The following HDAC9 variants were observed in gnomAD, a reference collection of about 807,000 sequenced individuals.
HDAC9 encodes histone deacetylase 9.
Under a neutral mutation model 139.4 loss-of-function variants are expected in HDAC9, and 41 were observed. The ratio of observed to expected loss-of-function variants is 0.29; its 90% CI spans 0.23 to 0.38. HDAC9 has a LOEUF of 0.38. Ranked by LOEUF, HDAC9 falls within the 10% of genes least tolerant of loss-of-function variation. HDAC9 has a pLI of 1.00. For synonymous variants in HDAC9, 517 were observed against 476.2 expected (o/e 1.09, Z -1.12); for missense variants, 1,147 against 1,297.0 (o/e 0.88, Z 1.78).
intron 2 of HDAC9, among the ~76,000 whole-genome samples, chr7:18,251,277 G>A (rs1342996737): frequency 6.6e-6 from 1 of 152,092 alleles, no homozygotes; most frequent in South Asian, 2.1e-4. Flanking sequence ...AACACCGCAT[G>A]TTCTCACTTA....
chr7:18,420,489 T>A (rs1049842383), intron 1 of HDAC9, among the ~76,000 whole-genome samples: 2 of 152,212 alleles, frequency 1.3e-5, no homozygotes, highest in Non-Finnish European at 1.5e-5. Context: ...GTTACAGCAT[T>A]GTATCAGTGA....
chr7:18,602,387 C>A (rs1236161716), intron 6 of HDAC9, among the ~76,000 whole-genome samples: 4 of 151,544 alleles, frequency 2.6e-5, no homozygotes, highest in Admixed American at 2.6e-4. Context: ...ATCAGTTGAT[C>A]TTTCAAAGGA....
chr7:18,302,065 C>T (rs542090785), intron 1 of HDAC9, among the ~76,000 whole-genome samples: 1 of 152,318 alleles, frequency 6.6e-6, no homozygotes, highest in East Asian at 1.9e-4. Flanking sequence ...TTAAGAACAG[C>T]AGCCTTACCA....
chr7:18,884,315 A>C (rs1174337695), intron 22 of HDAC9, among the ~76,000 whole-genome samples: 2 of 152,202 alleles, frequency 1.3e-5, no homozygotes, highest in Non-Finnish European at 2.9e-5. Context: ...AAACTGTAGC[A>C]ATCATAAAAG....
At chr7:18,234,896 A>T (rs1793712943) in intron 2 of HDAC9, among the ~76,000 whole-genome samples, 1 of 152,162 alleles carries the variant, frequency 6.6e-6, no homozygotes, top group African/African-American at 2.4e-5. Context: ...GAAGTTAATG[A>T]CCAGGTGGTA....
intron 2 of HDAC9, among the ~76,000 whole-genome samples, chr7:18,202,915 C>G (rs1428133522): frequency 1.3e-5 from 2 of 152,172 alleles, no homozygotes; most frequent in African/African-American, 4.8e-5. Flanking sequence ...GTTTGCTCAT[C>G]TGCACAATGG....
At chr7:18,109,926 T>A (rs1373329851) in intron 1 of HDAC9, among the ~76,000 whole-genome samples, 1 of 152,224 alleles carries the variant, frequency 6.6e-6, no homozygotes, top group Non-Finnish European at 1.5e-5. Context: ...CTTTACATAT[T>A]TCATTCCTCA....
chr7:18,600,615 A>G (rs184316150), intron 6 of HDAC9, among the ~76,000 whole-genome samples: 1 of 152,082 alleles, frequency 6.6e-6, no homozygotes, highest in Non-Finnish European at 1.5e-5. Context: ...TGGGCTCTCT[A>G]TTCTACTTCA....
At chr7:18,948,723 T>A (rs1782579190) in intron 23 of HDAC9, among the ~76,000 whole-genome samples, 1 of 152,178 alleles carries the variant, frequency 6.6e-6, no homozygotes, top group Admixed American at 6.6e-5. Flanking sequence ...GAGTTCCATC[T>A]TAGAAAACTG....
chr7:18,316,009 A>T (rs1799613289), intron 1 of HDAC9, among the ~76,000 whole-genome samples: 1 of 152,240 alleles, frequency 6.6e-6, no homozygotes, highest in South Asian at 2.1e-4. Flanking sequence ...TACCTAGCTC[A>T]TAGGGTGGTT....
chr7:18,754,971 A>G (rs564132426), intron 14 of HDAC9, among the ~76,000 whole-genome samples: 8 of 152,254 alleles, frequency 5.3e-5, no homozygotes, highest in African/African-American at 1.9e-4. Context: ...TCAATTAGAC[A>G]TTTGTTTTAT....
chr7:18,981,826 A>G (rs967989263), intron 25 of HDAC9, among the ~76,000 whole-genome samples: 1 of 152,218 alleles, frequency 6.6e-6, no homozygotes, highest in African/African-American at 2.4e-5. Context: ...CACACGTTCC[A>G]AGGATTAGGA....
intron 1 of HDAC9, among the ~76,000 whole-genome samples, chr7:18,468,634 G>C (rs1342315641): frequency 2.0e-5 from 3 of 151,976 alleles, no homozygotes; most frequent in Non-Finnish European, 4.4e-5. Flanking sequence ...CTCTTTTCCT[G>C]GATAGAATGT....
chr7:18,907,620 A>C (rs1209557280), intron 22 of HDAC9, among the ~76,000 whole-genome samples: 1 of 152,246 alleles, frequency 6.6e-6, no homozygotes, highest in Non-Finnish European at 1.5e-5. Flanking sequence ...TTGGAGCTAT[A>C]GCTAGATAAT....
intron 1 of HDAC9, among the ~76,000 whole-genome samples, chr7:18,346,702 G>T (rs942353676): frequency 1.4e-4 from 22 of 152,054 alleles, no homozygotes; most frequent in Admixed American, 5.2e-4. Context: ...TAAGGTAATG[G>T]TCAATGGGAT....
intron 1 of HDAC9, among the ~76,000 whole-genome samples, chr7:18,116,583 A>G (rs989269161): frequency 4.3e-4 from 65 of 152,188 alleles, no homozygotes; most frequent in African/African-American, 1.5e-3. Context: ...CATAAAATAT[A>G]TATGTTTTGG....
chr7:18,235,219 T>C (rs192302175), intron 2 of HDAC9, among the ~76,000 whole-genome samples: 12 of 152,326 alleles, frequency 7.9e-5, no homozygotes, highest in African/African-American at 2.9e-4. Context: ...TTTTGTGTGG[T>C]ATAAAAAAGA....
At chr7:18,583,165 T>C (rs1828352229) in intron 2 of HDAC9, among the ~76,000 whole-genome samples, 1 of 152,176 alleles carries the variant, frequency 6.6e-6, no homozygotes, top group Admixed American at 6.6e-5. Context: ...TATTGATGGT[T>C]TATTTTAATA....
chr7:18,096,801 C>T (rs879869251), intron 1 of HDAC9, among the ~76,000 whole-genome samples: 2 of 152,028 alleles, frequency 1.3e-5, no homozygotes, highest in African/African-American at 2.4e-5. Context: ...AATCTGTGGT[C>T]TCTGAATGCG....
Sources: gnomAD v4.1 joint callset for allele counts (sites outside exome capture counted in the v4.1 genomes callset) on GRCh38, gnomAD v4.1.1 for gene constraint, MANE v1.5 for transcripts, NCBI Gene and HGNC (gene_info 2026-07-23, HGNC 2026-07-21) for gene names.